Variants in PITPNB observed in about 807,000 individuals in gnomAD.
PITPNB encodes the protein phosphatidylinositol transfer protein beta isoform.
In PITPNB, 16 loss-of-function variants were observed where a neutral mutation model predicts 45.9. The observed-to-expected ratio is 0.35, with a 90% CI of 0.24 to 0.53. The LOEUF is 0.53. Ranked by LOEUF, PITPNB falls within the 20% of genes least tolerant of loss-of-function variation. The probability of loss-of-function intolerance (pLI) is 0.93; values close to 1 mark genes in which losing one functional copy is unlikely to be tolerated. For missense variants in PITPNB, 188 were observed against 330.5 expected (o/e 0.57, Z 3.34); for synonymous variants, 112 against 108.9 (o/e 1.03, Z -0.18).
chr22:27,909,990 C>A (rs893310072), intron 3 of PITPNB, among the ~76,000 whole-genome samples: 3 of 146,300 alleles, frequency 2.1e-5, no homozygotes, highest in African/African-American at 7.6e-5. Context: ...CTCGCTCTGT[C>A]ACCAGGCTGG....
intron 3 of PITPNB, among the ~76,000 whole-genome samples, chr22:27,905,314 A>G (rs1216721788): frequency 1.3e-5 from 2 of 151,930 alleles, no homozygotes; most frequent in Non-Finnish European, 2.9e-5. Flanking sequence ...CATTCCGCTA[A>G]ATTTTTTGTA....
intron 3 of PITPNB, among the ~76,000 whole-genome samples, chr22:27,905,938 A>G (rs1312548983): frequency 6.6e-6 from 1 of 152,198 alleles, no homozygotes; most frequent in Admixed American, 6.5e-5. Flanking sequence ...TGCCCAGTAA[A>G]TTCCTTCCTC....
At chr22:27,913,031 C>CGAGAACAGTATTTTCAGT (rs1935978359) in intron 2 of PITPNB, among the ~76,000 whole-genome samples, 1 of 148,992 alleles carries the variant, frequency 6.7e-6, no homozygotes, top group South Asian at 2.1e-4. Context: ...AACAAAAAGC[C>CGAGAACAGTATTTTCAGT]GAGAACAGTA....
intron 7 of PITPNB, among the ~76,000 whole-genome samples, chr22:27,884,329 GAGTAACAAC>G (rs1935056382): frequency 6.6e-6 from 1 of 152,238 alleles, no homozygotes; most frequent in Admixed American, 6.5e-5. Flanking sequence ...AGGCACATGA[GAGTAACAAC>G]TAGTGTGAAG....
chr22:27,906,645 TA>T (rs1935769117), intron 3 of PITPNB, among the ~76,000 whole-genome samples: 1 of 152,190 alleles, frequency 6.6e-6, no homozygotes, highest in Admixed American at 6.5e-5. Context: ...GAGGAATGAA[TA>T]AACTCCCACC....
chr22:27,854,946 G>C lies in PITPNB; in HGVS notation c.769-7C>G. ...CGGAACCCCTCTTACGCATCTAAACGTAAAATAAAATTGTGAGCTGCTGAA... is the reference window on the plus strand; with the variant it reads ...CGGAACCCCTCTTACGCATCTAAACCTAAAATAAAATTGTGAGCTGCTGAA... On this transcript the variant is annotated splice_region_variant and splice_polypyrimidine_tract_variant and intron_variant, in intron 10 of 11. Coordinates refer to ENST00000335272, the MANE Select transcript of PITPNB (RefSeq NM_012399.5). 6.2e-7 allele frequency: 1 copy of C among 1,609,010 alleles called. No individual in the cohort carries two copies. The highest frequency in any genetic ancestry group is 8.5e-7 in the Non-Finnish European group (1 of 1,175,482).
At position 27,897,876 on chromosome 22, in the gene PITPNB, C is replaced by G; in HGVS notation, c.214G>C (p.Val72Leu). The G allele has an allele frequency of 6.2e-7, 1 of 1,612,820 alleles. No individual in the cohort carries two copies. Among genetic ancestry groups the G allele is most frequent in the Non-Finnish European group, 8.5e-7 (1 of 1,178,848 alleles). ...YHLKSKVPAF[V>L]RMIAPEGSLV... ...GAGCCCTCGGGAGCAATCATCCTCACGAATGCAGGCACTTTGCTGGGAGAA... is the reference window on the plus strand; with the variant it reads ...GAGCCCTCGGGAGCAATCATCCTCAGGAATGCAGGCACTTTGCTGGGAGAA... The change falls in exon 4 of 12, where the codon GTG becomes CTG. Residue 72 changes from valine to leucine, a missense_variant. Transcript: ENST00000335272.
intron 8 of PITPNB, chr22:27,860,743 T>A (rs998456888): frequency 6.5e-6 from 1 of 153,166 alleles, no homozygotes; most frequent in Non-Finnish European, 1.5e-5. Context: ...ACAGCAAAAA[T>A]AATCTGTAAT....
intron 7 of PITPNB, among the ~76,000 whole-genome samples, chr22:27,887,538 C>G (rs1191818627): frequency 2.0e-5 from 3 of 152,084 alleles, no homozygotes; most frequent in African/African-American, 7.2e-5. Context: ...GAAGGAGATT[C>G]TGCTCCAATA....
intron 1 of PITPNB, 179 bp downstream of exon 1, chr22:27,918,993 A>C: frequency 1.3e-6 from 1 of 799,068 alleles, no homozygotes; most frequent in Non-Finnish European, 2.0e-6. Flanking sequence ...CAATGCCTGG[A>C]GGGCCGAGGG....
At chr22:27,861,663 G>A (rs1266531994) in intron 8 of PITPNB, among the ~76,000 whole-genome samples, 1 of 152,186 alleles carries the variant, frequency 6.6e-6, no homozygotes, top group African/African-American at 2.4e-5. Flanking sequence ...ACCACAGACA[G>A]CAGAGGCAGA....
chr22:27,902,701 T>C (rs1232794105), intron 3 of PITPNB, among the ~76,000 whole-genome samples: 1 of 152,328 alleles, frequency 6.6e-6, no homozygotes, highest in Non-Finnish European at 1.5e-5. Flanking sequence ...TTGGACTTCA[T>C]CAAAATCATA....
intron 8 of PITPNB, among the ~76,000 whole-genome samples, chr22:27,873,113 C>T (rs1444935976): frequency 6.6e-6 from 1 of 150,616 alleles, no homozygotes; most frequent in African/African-American, 2.4e-5. Context: ...ACTAAAAATA[C>T]AAAATTAGCC....
chr22:27,862,611 C>T (rs1221246726), intron 8 of PITPNB, among the ~76,000 whole-genome samples: 1 of 152,106 alleles, frequency 6.6e-6, no homozygotes, highest in East Asian at 1.9e-4. Flanking sequence ...ACGTTTCCCC[C>T]TTAAAACAGA....
chr22:27,884,389 T>A (rs1260845044), intron 7 of PITPNB, among the ~76,000 whole-genome samples: 1 of 152,228 alleles, frequency 6.6e-6, no homozygotes, highest in African/African-American at 2.4e-5. Flanking sequence ...GAATGAAATC[T>A]GAGCTTTATC....
At chr22:27,857,186 C>A (rs1461900722) in intron 10 of PITPNB, among the ~76,000 whole-genome samples, 1 of 152,126 alleles carries the variant, frequency 6.6e-6, no homozygotes, top group Non-Finnish European at 1.5e-5. Context: ...AGAAACCAAA[C>A]CCTAATTTAT....
intron 1 of PITPNB, among the ~76,000 whole-genome samples, chr22:27,915,726 C>A (rs1936056718): frequency 6.6e-6 from 1 of 152,090 alleles, no homozygotes. Context: ...CTAAAAATTC[C>A]GAATCATTTC....
At chr22:27,872,286 G>A (rs1252157220) in intron 8 of PITPNB, among the ~76,000 whole-genome samples, 2 of 151,744 alleles carry the variant, frequency 1.3e-5, no homozygotes, top group Non-Finnish European at 2.9e-5. Flanking sequence ...TAGAGATGGG[G>A]TTTCAACATG....
chr22:27,863,544 G>A (rs1424138758), intron 8 of PITPNB, among the ~76,000 whole-genome samples: 1 of 152,144 alleles, frequency 6.6e-6, no homozygotes, highest in Non-Finnish European at 1.5e-5. Context: ...TGAACTCTAA[G>A]ATACTTTCCA....
Sources: gnomAD v4.1 joint callset for allele counts (sites outside exome capture counted in the v4.1 genomes callset) on GRCh38, gnomAD v4.1.1 for gene constraint, MANE v1.5 for transcripts, NCBI Gene and HGNC (gene_info 2026-07-23, HGNC 2026-07-21) for gene names.